GALNT13: variants seen among roughly 807,000 people sequenced by gnomAD.
GALNT13 encodes the protein polypeptide N-acetylgalactosaminyltransferase 13, also known as UDP-GalNAc:polypeptide N-acetylgalactosaminyltransferase 13.
In GALNT13, 28 loss-of-function variants were observed where a neutral mutation model predicts 64.2. That is an observed-to-expected ratio of 0.44 (90% CI 0.32 to 0.60). GALNT13 has a LOEUF of 0.60. Among genes scored for constraint, GALNT13 ranks in the 20% least tolerant of loss-of-function variants. The pLI is 0.05. For synonymous variants in GALNT13, 214 were observed against 224.6 expected, an observed-to-expected ratio of 0.95 and a Z score of 0.42; for missense variants, 577 against 669.8, an observed-to-expected ratio of 0.86 and a Z score of 1.53.
intron 9 of GALNT13, among the ~76,000 whole-genome samples, chr2:154,311,504 A>G (rs1694037932): frequency 6.6e-6 from 1 of 152,146 alleles, no homozygotes; most frequent in Non-Finnish European, 1.5e-5. Context: ...TAACAGGGTA[A>G]TAGAATATCA....
chr2:153,571,828 G>A, the GALNT13 span, among the ~76,000 whole-genome samples: 11 of 151,896 alleles, frequency 7.2e-5, no homozygotes, highest in Non-Finnish European at 1.6e-4. Context: ...TCTTTCTAAT[G>A]TATTGTTGTA....
chr2:153,255,756 G>T, the GALNT13 span, among the ~76,000 whole-genome samples: 2 of 152,122 alleles, frequency 1.3e-5, no homozygotes, highest in Non-Finnish European at 2.9e-5. Flanking sequence ...GAAATTCTGG[G>T]TTGAAAATTC....
the GALNT13 span, among the ~76,000 whole-genome samples, chr2:153,581,188 T>C: frequency 1.3e-5 from 2 of 152,108 alleles, no homozygotes; most frequent in African/African-American, 4.8e-5. Context: ...TTACTAAATA[T>C]AGAGGAAAAA....
chr2:154,229,913 T>A (rs1227726155), intron 4 of GALNT13, among the ~76,000 whole-genome samples: 1 of 152,100 alleles, frequency 6.6e-6, no homozygotes. Context: ...AACATTTGAA[T>A]AAAGGAGTGG....
chr2:154,245,564 T>C (rs868002826), intron 6 of GALNT13, among the ~76,000 whole-genome samples: 1 of 152,178 alleles, frequency 6.6e-6, no homozygotes, highest in Non-Finnish European at 1.5e-5. Flanking sequence ...CTCATCTTGC[T>C]AAGTTAGTAC....
the GALNT13 span, among the ~76,000 whole-genome samples, chr2:153,667,023 G>T: frequency 6.6e-6 from 1 of 151,998 alleles, no homozygotes; most frequent in African/African-American, 2.4e-5. Flanking sequence ...AATATACCAG[G>T]CAGGAAAGAA....
chr2:153,508,249 C>T, the GALNT13 span, among the ~76,000 whole-genome samples: 1 of 152,182 alleles, frequency 6.6e-6, no homozygotes, highest in Non-Finnish European at 1.5e-5. Flanking sequence ...GTTTCTCAGG[C>T]AGTGGGCAGG....
chr2:153,715,533 C>G, the GALNT13 span, among the ~76,000 whole-genome samples: 2 of 152,222 alleles, frequency 1.3e-5, no homozygotes, highest in Non-Finnish European at 2.9e-5. Flanking sequence ...GTTTCCATGC[C>G]TTATATTACT....
At chr2:154,183,963 T>C (rs1254920189) in intron 4 of GALNT13, among the ~76,000 whole-genome samples, 5 of 152,054 alleles carry the variant, frequency 3.3e-5, no homozygotes, top group African/African-American at 1.2e-4. Context: ...TTAATTGTTA[T>C]AGACTCCACA....
chr2:153,403,636 C>G, the GALNT13 span, among the ~76,000 whole-genome samples: 3 of 152,180 alleles, frequency 2.0e-5, no homozygotes, highest in Admixed American at 2.0e-4. Flanking sequence ...TGTGATGCGC[C>G]GTTTTTCAAG....
At chr2:153,154,726 C>T in the GALNT13 span, among the ~76,000 whole-genome samples, 19 of 152,232 alleles carry the variant, frequency 1.2e-4, no homozygotes, top group Admixed American at 1.2e-3. Flanking sequence ...CTTTATTTCT[C>T]TCTCTTGCCT....
the GALNT13 span, among the ~76,000 whole-genome samples, chr2:153,274,631 A>G: frequency 2.0e-5 from 3 of 152,244 alleles, no homozygotes; most frequent in Admixed American, 6.5e-5. Context: ...GGGTGAGTCA[A>G]AATTTCTGTA....
the GALNT13 span, among the ~76,000 whole-genome samples, chr2:153,547,827 G>A: frequency 2.0e-5 from 3 of 152,250 alleles, no homozygotes; most frequent in East Asian, 3.9e-4. Flanking sequence ...TTTGACTCCT[G>A]GCTTTTACTC....
intron 4 of GALNT13, among the ~76,000 whole-genome samples, chr2:154,186,200 C>T (rs1686241277): frequency 6.6e-6 from 1 of 151,772 alleles, no homozygotes; most frequent in African/African-American, 2.4e-5. Context: ...TGAATAGCAG[C>T]ATTATTTTGT....
chr2:154,333,901 C>T (rs1177773112), intron 9 of GALNT13, among the ~76,000 whole-genome samples: 1 of 151,990 alleles, frequency 6.6e-6, no homozygotes, highest in Non-Finnish European at 1.5e-5. Flanking sequence ...GAAAATAATC[C>T]AGTGTCTTTG....
the GALNT13 span, among the ~76,000 whole-genome samples, chr2:153,834,764 T>C: frequency 2.0e-5 from 3 of 152,100 alleles, no homozygotes; most frequent in Non-Finnish European, 2.9e-5. Context: ...TAATGAGGCA[T>C]ACAACAGGCT....
chr2:153,509,611 T>C, the GALNT13 span, among the ~76,000 whole-genome samples: 5 of 152,266 alleles, frequency 3.3e-5, no homozygotes, highest in East Asian at 1.9e-4. Flanking sequence ...GGTCATTGAA[T>C]TGCTTCTATA....
intron 3 of GALNT13, among the ~76,000 whole-genome samples, chr2:154,127,477 G>A (rs187401196): frequency 1.3e-5 from 2 of 152,098 alleles, no homozygotes; most frequent in East Asian, 3.9e-4. Flanking sequence ...TTTGTTTAAA[G>A]TAGCACAGGA....
At position 154,145,917 on chromosome 2, in the gene GALNT13, G is replaced by A. The variant is rs1429839335; in HGVS notation, c.311+5412G>A. Among the ~76,000 whole-genome samples, 3 of 151,772 alleles carry A rather than the reference G, an allele frequency of 2.0e-5. No individual in the cohort carries two copies. The East Asian group carries it at 5.8e-4, about 29-fold the overall frequency. On this transcript the variant is annotated intron_variant, in intron 4 of 12. Coordinates refer to ENST00000392825, the MANE Select transcript of GALNT13 (RefSeq NM_052917.4). ...GAAATAGAAAATGAGAATATTAATT[G>A]GATTTCCAATCTCTGTTCCACATCT...
Sources: allele counts gnomAD v4.1 joint callset (sites outside exome capture counted in the v4.1 genomes callset), GRCh38; gene constraint gnomAD v4.1.1; transcripts MANE v1.5; gene names NCBI Gene and HGNC (gene_info 2026-07-23, HGNC 2026-07-21).